LRIG1: variants seen among roughly 807,000 people sequenced by gnomAD.
LRIG1 encodes the protein leucine rich repeats and immunoglobulin like domains 1, also known as leucine-rich repeats and immunoglobulin-like domains protein 1.
In LRIG1, 48 loss-of-function variants were observed where a neutral mutation model predicts 99.2. The observed-to-expected ratio is 0.48, with a 90% CI of 0.38 to 0.62. The LOEUF is 0.62. Among genes scored for constraint, LRIG1 ranks in the 20% least tolerant of loss-of-function variants. The pLI is 0.00. For synonymous variants in LRIG1, 772 were observed against 596.1 expected (o/e 1.29, Z -4.30); for missense variants, 1,646 against 1,434.4 (o/e 1.15, Z -2.38).
At chr3:66,413,786 C>T (rs1248109350) in intron 5 of LRIG1, among the ~76,000 whole-genome samples, 2 of 152,320 alleles carry the variant, frequency 1.3e-5, no homozygotes, top group East Asian at 3.9e-4. Flanking sequence ...TCTCCACAGA[C>T]TGAAAATGGC....
chr3:66,475,155 C>G (rs368009285), intron 1 of LRIG1, among the ~76,000 whole-genome samples: 24 of 152,290 alleles, frequency 1.6e-4, no homozygotes, highest in South Asian at 8.3e-4. Flanking sequence ...TGCTATATAA[C>G]GAACACACAA....
intron 2 of LRIG1, among the ~76,000 whole-genome samples, chr3:66,459,285 G>C (rs1559809765): frequency 6.6e-6 from 1 of 152,324 alleles, no homozygotes; most frequent in South Asian, 2.1e-4. Flanking sequence ...GTAAAAGCCT[G>C]TCTAGGCAAG....
At chr3:66,455,416 T>C (rs1000475225) in intron 2 of LRIG1, among the ~76,000 whole-genome samples, 3 of 152,262 alleles carry the variant, frequency 2.0e-5, no homozygotes, top group African/African-American at 7.2e-5. Flanking sequence ...GATGTGTATG[T>C]GTTTTTCTTT....
chr3:66,395,462 T>C (rs1289091594), intron 11 of LRIG1, among the ~76,000 whole-genome samples: 1 of 152,228 alleles, frequency 6.6e-6, no homozygotes, highest in Non-Finnish European at 1.5e-5. Flanking sequence ...CTCTTCCTCA[T>C]GTTCCCCATC....
intron 3 of LRIG1, among the ~76,000 whole-genome samples, chr3:66,432,167 C>T (rs531511502): frequency 6.6e-6 from 1 of 152,312 alleles, no homozygotes; most frequent in South Asian, 2.1e-4. Flanking sequence ...ACCAGTCCAC[C>T]AGGCACAAAG....
chr3:66,459,289 A>C (rs1028802485), intron 2 of LRIG1, among the ~76,000 whole-genome samples: 14 of 152,238 alleles, frequency 9.2e-5, no homozygotes, highest in Admixed American at 3.9e-4. Flanking sequence ...AAGCCTGTCT[A>C]GGCAAGGAAC....
intron 3 of LRIG1, among the ~76,000 whole-genome samples, chr3:66,421,782 A>G (rs1415240105): frequency 1.3e-5 from 2 of 152,168 alleles, no homozygotes; most frequent in Non-Finnish European, 2.9e-5. Context: ...GGGCCACACC[A>G]TATTTCCCTT....
chr3:66,425,007 A>G (rs1575680393), intron 3 of LRIG1, among the ~76,000 whole-genome samples: 3 of 152,214 alleles, frequency 2.0e-5, no homozygotes, highest in Admixed American at 2.0e-4. Context: ...TTGCTTAATG[A>G]TATTTTCAAC....
intron 1 of LRIG1, among the ~76,000 whole-genome samples, chr3:66,464,353 G>T (rs1477554431): frequency 6.6e-6 from 1 of 152,172 alleles, no homozygotes; most frequent in Non-Finnish European, 1.5e-5. Context: ...TGCCCTGTGT[G>T]TAACAAGGCT....
At chr3:66,405,422 C>T (rs1006685573) in intron 8 of LRIG1, 144 bp from the exon 9 acceptor site, 6 of 692,484 alleles carry the variant, frequency 8.7e-6, no homozygotes, top group East Asian at 8.2e-5. Context: ...TGAAGAGACA[C>T]GTGGCCCTGG....
intron 3 of LRIG1, among the ~76,000 whole-genome samples, chr3:66,439,350 C>T (rs926437113): frequency 1.3e-5 from 2 of 152,216 alleles, no homozygotes; most frequent in Non-Finnish European, 2.9e-5. Flanking sequence ...ATTTGATTTG[C>T]AGAAAAGTCA....
At chr3:66,412,448 C>CT (rs2106677800) in intron 6 of LRIG1, among the ~76,000 whole-genome samples, 1 of 152,336 alleles carries the variant, frequency 6.6e-6, no homozygotes, top group East Asian at 1.9e-4. Context: ...CATCAACCAA[C>CT]TTATCTGACT....
intron 3 of LRIG1, among the ~76,000 whole-genome samples, chr3:66,423,864 C>T (rs928009524): frequency 1.3e-5 from 2 of 152,344 alleles, no homozygotes; most frequent in East Asian, 3.9e-4. Flanking sequence ...TGACCTGACA[C>T]GTAACAACTG....
At chr3:66,453,022 C>T (rs939193005) in intron 2 of LRIG1, among the ~76,000 whole-genome samples, 1 of 152,174 alleles carries the variant, frequency 6.6e-6, no homozygotes, top group Non-Finnish European at 1.5e-5. Flanking sequence ...ATTGTTTCTG[C>T]TTCACCTTTT....
intron 2 of LRIG1, among the ~76,000 whole-genome samples, chr3:66,460,630 A>C (rs1700334845): frequency 6.6e-6 from 1 of 152,242 alleles, no homozygotes; most frequent in Non-Finnish European, 1.5e-5. Context: ...CAAACCTGCC[A>C]GTACCTTGAT....
intron 2 of LRIG1, among the ~76,000 whole-genome samples, chr3:66,456,253 C>A (rs1700217898): frequency 6.6e-6 from 1 of 152,148 alleles, no homozygotes; most frequent in African/African-American, 2.4e-5. Context: ...AACCTAAGAT[C>A]TCAGGATATT....
intron 7 of LRIG1, 121 bp from the exon 8 acceptor site, chr3:66,407,612 C>T (rs949450093): frequency 2.3e-5 from 23 of 1,002,510 alleles, no homozygotes; most frequent in Middle Eastern, 6.2e-4. Context: ...TGCACACGCA[C>T]GCGCGTGCGT....
chr3:66,477,027 G>A (rs1045427198), intron 1 of LRIG1, among the ~76,000 whole-genome samples: 1 of 152,216 alleles, frequency 6.6e-6, no homozygotes, highest in Non-Finnish European at 1.5e-5. Context: ...TTGAGTGAGA[G>A]CAGGCAAGAA....
At chr3:66,464,062 T>G (rs1316998705) in intron 1 of LRIG1, among the ~76,000 whole-genome samples, 3 of 152,190 alleles carry the variant, frequency 2.0e-5, no homozygotes, top group Non-Finnish European at 4.4e-5. Flanking sequence ...AATCCCAACT[T>G]AGACTTGAGA....
Sources: gnomAD v4.1 joint callset for allele counts (sites outside exome capture counted in the v4.1 genomes callset) on GRCh38, gnomAD v4.1.1 for gene constraint, MANE v1.5 for transcripts, NCBI Gene and HGNC (gene_info 2026-07-23, HGNC 2026-07-21) for gene names.